Variants in OGT observed in about 807,000 individuals in gnomAD.
The protein encoded by OGT is UDP-N-acetylglucosamine--peptide N-acetylglucosaminyltransferase 110 kDa subunit.
Under a neutral mutation model 75.8 loss-of-function variants are expected in OGT, and 3 were observed. That is an observed-to-expected ratio of 0.04 (90% CI 0.02 to 0.10). OGT has a LOEUF of 0.10. Ranked by LOEUF, OGT falls within the 10% of genes least tolerant of loss-of-function variation. OGT has a pLI of 1.00. For missense variants in OGT, 260 were observed against 824.4 expected, an observed-to-expected ratio of 0.32 and a Z score of 8.38; for synonymous variants, 257 against 289.7, an observed-to-expected ratio of 0.89 and a Z score of 1.15.
At chrX:71,536,743 T>C (rs2040178288) in intron 2 of OGT, 1 of 157,268 alleles carries the variant, frequency 6.4e-6, no homozygotes, top group African/African-American at 3.2e-5. Context: ...AGGAGATGCA[T>C]ACCTGGAGTT....
chrX:71,561,970 T>A lies in OGT; in HGVS notation c.1977+70T>A, dbSNP rs188206978. The stretch of plus-strand genomic sequence containing the variant: ...GAATACAGTGAGGTGCTGCTTTTCC[T>A]CCCTCTGGTTAACTGATATTTGAAA... On this transcript the variant is annotated intron_variant, in intron 15 of 21. Transcript: ENST00000373719. 35 of 1,014,574 alleles carry A rather than the reference T, an allele frequency of 3.4e-5. No individual in the cohort carries two copies. In the African/African-American group the frequency reaches 6.5e-4, roughly 19 times the overall value. 83.6% of individuals were successfully genotyped at this position (1,014,574 alleles called of 1,213,427 possible). A position where few individuals can be genotyped will look rare whatever the true frequency, so the allele number is the denominator to read the frequency against.
chrX:71,558,651 C>G (rs1026686803), intron 12 of OGT, among the ~76,000 whole-genome samples: 2 of 111,049 alleles, frequency 1.8e-5, no homozygotes, highest in Non-Finnish European at 3.8e-5. Context: ...GCCACTGCCC[C>G]CAGCCATAAT....
At chrX:71,570,115 A>G (rs1174868996) in intron 21 of OGT, among the ~76,000 whole-genome samples, 2 of 88,874 alleles carry the variant, frequency 2.3e-5, no homozygotes, top group African/African-American at 9.0e-5. Context: ...ATCTCGGCTC[A>G]CTGCAACCTC....
At chrX:71,542,173 TA>T (rs2040224229) in intron 3 of OGT, among the ~76,000 whole-genome samples, 1 of 112,236 alleles carries the variant, frequency 8.9e-6, no homozygotes, top group African/African-American at 3.2e-5. Context: ...TGAAATGTAT[TA>T]ACCTGGGATG....
At position 71,563,514 on chromosome X, in the gene OGT, A is replaced by G. The variant is rs996500970; in HGVS notation, c.2436+15A>G. 2 of 1,136,301 alleles carry G rather than the reference A, an allele frequency of 1.8e-6. No homozygotes were observed. The highest frequency in any genetic ancestry group is 3.6e-5 in the African/African-American group (2 of 56,224). The allele number at this position is 1,136,301 out of a possible 1,213,427, so 93.6% of individuals were successfully genotyped here. Reference sequence around the variant, plus strand: ...CAACTACTCAGGTGAGAAGATAATAATACACCATTATATGTCCCGCCAAGT... The same window carrying G: ...CAACTACTCAGGTGAGAAGATAATAGTACACCATTATATGTCCCGCCAAGT... On this transcript the variant is annotated intron_variant, in intron 18 of 21. Transcript: ENST00000373719.
In OGT at chrX:71,555,871, CTTAA is replaced by C. The variant is rs1176895935; in HGVS notation, c.925-78_925-75del. On this transcript the variant is annotated intron_variant, in intron 7 of 21. Transcript: ENST00000373719. ...TTCTGTAGCATTACCAGCCATTAGGCTTAATTAAACAATTATTAGAACAGTATCA... is the reference window on the plus strand; with the variant it reads ...TTCTGTAGCATTACCAGCCATTAGGCTTAAACAATTATTAGAACAGTATCA... 3 of 1,074,284 alleles carry C rather than the reference CTTAA, an allele frequency of 2.8e-6. No homozygotes were observed. The African/African-American group carries it at 5.6e-5, about 20-fold the overall frequency. 88.5% of individuals were successfully genotyped at this position (1,074,284 alleles called of 1,213,427 possible). A position where few individuals can be genotyped will look rare whatever the true frequency, so the allele number is the denominator to read the frequency against.
intron 14 of OGT, among the ~76,000 whole-genome samples, chrX:71,561,401 A>G (rs1258342771): frequency 9.3e-6 from 1 of 107,908 alleles, no homozygotes; most frequent in African/African-American, 3.4e-5. Context: ...ATCCTTTGGG[A>G]GGCTGAGGTG....
Position 71,533,228 on chromosome X carries a change from A to G in OGT, c.-72A>G. 9.5e-7 allele frequency: 1 copy of G among 1,053,491 alleles called. No homozygotes were observed. Among genetic ancestry groups the G allele is most frequent in the Non-Finnish European group, 1.3e-6 (1 of 767,977 alleles). 86.8% of individuals were successfully genotyped at this position (1,053,491 alleles called of 1,213,427 possible). A position where few individuals can be genotyped will look rare whatever the true frequency, so the allele number is the denominator to read the frequency against. ...TGCTGCCCTTGTACTACTACCTCCA[A>G]ATACGTTCTTGCTGGTAGTGGCGGC... On this transcript the variant is annotated 5_prime_UTR_variant, in exon 1 of 22. Transcript: ENST00000373719.
At chrX:71,563,268 T>C in intron 17 of OGT, 22 bp downstream of exon 17, 1 of 1,198,931 alleles carries the variant, frequency 8.3e-7, no homozygotes, top group Non-Finnish European at 1.1e-6. Context: ...GTCAGTATTG[T>C]CATTGAAATA....
chrX:71,544,984 C>T (rs1417523643), intron 4 of OGT: 2 of 184,795 alleles, frequency 1.1e-5, no homozygotes, highest in African/African-American at 5.8e-5. Flanking sequence ...CTCAAGACTC[C>T]TATATGATGC....
intron 5 of OGT, among the ~76,000 whole-genome samples, chrX:71,549,862 T>A (rs1431245949): frequency 1.8e-5 from 2 of 111,848 alleles, no homozygotes; most frequent in Non-Finnish European, 3.8e-5. Flanking sequence ...GGCAGGAATT[T>A]AAAAAAAATT....
chrX:71,552,487 C>T (rs1319765544), intron 5 of OGT, among the ~76,000 whole-genome samples: 2 of 105,942 alleles, frequency 1.9e-5, no homozygotes, highest in Non-Finnish European at 3.9e-5. Context: ...CTCCCAGGCT[C>T]AAGGGATTCA....
At chrX:71,543,593 A>C (rs1276670968) in intron 3 of OGT, among the ~76,000 whole-genome samples, 1 of 110,055 alleles carries the variant, frequency 9.1e-6, no homozygotes, top group Non-Finnish European at 1.9e-5. Flanking sequence ...GTTTCTAAAT[A>C]TGCCTGACAG....
In OGT at chrX:71,562,985, G is replaced by A; in HGVS notation, c.2116G>A (p.Gly706Ser). Residue 706 changes from glycine (G) to serine (S), a missense_variant, in exon 16 of 22, where the codon GGT (glycine) becomes AGT (serine). Transcript: ENST00000373719. ...LAYMPHTFFI[G>S]DHANMFPHLK... Reference sequence around the variant, plus strand: ...TTATATGCCCCACACTTTTTTTATTGGTGATCATGCTAATATGTTCCCTCA... The same window carrying A: ...TTATATGCCCCACACTTTTTTTATTAGTGATCATGCTAATATGTTCCCTCA... The A allele has an allele frequency of 8.3e-7, 1 of 1,209,216 alleles. No homozygotes were observed. The highest frequency in any genetic ancestry group is 1.1e-6 in the Non-Finnish European group (1 of 893,818).
intron 2 of OGT, 139 bp from the exon 3 acceptor site, chrX:71,537,690 T>C (rs1237423018): frequency 1.5e-6 from 1 of 663,002 alleles, no homozygotes; most frequent in African/African-American, 2.2e-5. Flanking sequence ...CAAATTTTTC[T>C]TGCTATGCAC....
At chrX:71,553,061 A>G in intron 5 of OGT, among the ~76,000 whole-genome samples, 1 of 112,253 alleles carries the variant, frequency 8.9e-6, no homozygotes, top group East Asian at 2.8e-4. Context: ...TGTTTACTAC[A>G]GAGTTGTCAT....
chrX:71,565,393 A>AT lies in OGT; in HGVS notation c.2589+649dup, dbSNP rs748094698. On this transcript the variant is annotated intron_variant, in intron 19 of 21. Coordinates refer to ENST00000373719, the MANE Select transcript of OGT (RefSeq NM_181672.3). ...AGGCATGTGCCACCATGTCTGGGTA[A>AT]TTTTTTTTTGTATTTTTAGTAGACG... is the stretch of plus-strand genomic sequence containing the variant. Among the ~76,000 whole-genome samples, 797 of 107,901 alleles carry AT rather than the reference A, an allele frequency of 7.4e-3. 9 individuals carry two copies. Among genetic ancestry groups the AT allele is most frequent in the African/African-American group, 0.025 (751 of 29,693 alleles). 93.7% of individuals were successfully genotyped at this position (107,901 alleles called of 115,157 possible).
Position 71,560,275 on chromosome X carries a change from CAAA to C in OGT, c.1851+615_1851+617del, listed in dbSNP as rs764918597. Among the ~76,000 whole-genome samples, 10 of 45,836 alleles carry C rather than the reference CAAA, an allele frequency of 2.2e-4. No homozygotes were observed. In the East Asian group the frequency reaches 5.0e-3, roughly 23 times the overall value. 39.8% of individuals were successfully genotyped at this position (45,836 alleles called of 115,157 possible). A position where few individuals can be genotyped will look rare whatever the true frequency, so the allele number is the denominator to read the frequency against. Reference sequence around the variant, plus strand: ...GCCTGGCAAGAGCAAGACTCTGTCTCAAAAAAAAAAAAAAAAAAAGAAAAAATA... The same window carrying C: ...GCCTGGCAAGAGCAAGACTCTGTCTCAAAAAAAAAAAAAAAAGAAAAAATA... On this transcript the variant is annotated intron_variant, in intron 14 of 21. Transcript: ENST00000373719.
intron 6 of OGT, 56 bp from the exon 7 acceptor site, chrX:71,555,134 T>TTGTGTGTGTGTGTG (rs376605851): frequency 4.1e-5 from 22 of 533,795 alleles, no homozygotes; most frequent in African/African-American, 2.4e-4. Context: ...GAGTTACATT[T>TTGTGTGTGTGTGTG]TGTGTGTGTG....
Sources: allele counts gnomAD v4.1 joint callset (sites outside exome capture counted in the v4.1 genomes callset), GRCh38; gene constraint gnomAD v4.1.1; transcripts MANE v1.5; gene names NCBI Gene and HGNC (gene_info 2026-07-23, HGNC 2026-07-21).